Variants in CAMKMT observed in about 807,000 individuals in gnomAD.
CAMKMT encodes the protein CaM KMT.
Under a neutral mutation model 48.0 loss-of-function variants are expected in CAMKMT, and 53 were observed. The ratio of observed to expected loss-of-function variants is 1.10; its 90% CI spans 0.89 to 1.39. The LOEUF is 1.39. Among genes scored for constraint, CAMKMT ranks in the 40% most tolerant of loss-of-function variants. The probability of loss-of-function intolerance (pLI) is 0.00; values close to 1 mark genes in which losing one functional copy is unlikely to be tolerated. For missense variants in CAMKMT, 428 were observed against 402.7 expected (o/e 1.06, Z -0.54); for synonymous variants, 165 against 152.3 (o/e 1.08, Z -0.61).
chr2:44,553,828 G>A (rs970265237), intron 3 of CAMKMT, among the ~76,000 whole-genome samples: 3 of 152,106 alleles, frequency 2.0e-5, no homozygotes, highest in African/African-American at 4.8e-5. Context: ...AAAATAAAAA[G>A]AATAATTTAT....
intron 3 of CAMKMT, among the ~76,000 whole-genome samples, chr2:44,555,400 A>T (rs1667953310): frequency 6.6e-6 from 1 of 152,164 alleles, no homozygotes; most frequent in South Asian, 2.1e-4. Flanking sequence ...GGCTTGTTTG[A>T]CATATTGCTG....
chr2:44,503,826 A>G (rs1239217586), intron 3 of CAMKMT, among the ~76,000 whole-genome samples: 1 of 152,168 alleles, frequency 6.6e-6, no homozygotes, highest in African/African-American at 2.4e-5. Flanking sequence ...GAAATCTAAG[A>G]TCAAGGTGCC....
intron 9 of CAMKMT, among the ~76,000 whole-genome samples, chr2:44,754,411 G>C (rs1275436768): frequency 6.6e-6 from 1 of 152,130 alleles, no homozygotes; most frequent in Non-Finnish European, 1.5e-5. Context: ...CTTTTCCCTT[G>C]ATAACAATAT....
chr2:44,580,800 T>C (rs1572848001), intron 3 of CAMKMT, among the ~76,000 whole-genome samples: 1 of 152,330 alleles, frequency 6.6e-6, no homozygotes, highest in East Asian at 1.9e-4. Flanking sequence ...AAACTTTTTG[T>C]CATGAAGCGC....
chr2:44,740,343 T>G, intron 7 of CAMKMT, among the ~76,000 whole-genome samples: 1 of 151,990 alleles, frequency 6.6e-6, no homozygotes, highest in Non-Finnish European at 1.5e-5. Flanking sequence ...TTGCCCAGGC[T>G]AGTCTCGAGC....
intron 3 of CAMKMT, among the ~76,000 whole-genome samples, chr2:44,464,872 A>G (rs1668030053): frequency 6.6e-6 from 1 of 152,232 alleles, no homozygotes; most frequent in Non-Finnish European, 1.5e-5. Context: ...GCTAGACAGC[A>G]ACACAAAAAC....
At chr2:44,435,342 C>G (rs1666166365) in intron 3 of CAMKMT, among the ~76,000 whole-genome samples, 1 of 150,350 alleles carries the variant, frequency 6.7e-6, no homozygotes, top group Non-Finnish European at 1.5e-5. Context: ...GGCACGCATC[C>G]AAAAAAAAAT....
chr2:44,561,341 A>G (rs13033265), intron 3 of CAMKMT, among the ~76,000 whole-genome samples: 4 of 152,334 alleles, frequency 2.6e-5, no homozygotes, highest in East Asian at 1.9e-4. Flanking sequence ...GTGTACTTCC[A>G]CAAGACTACC....
intron 3 of CAMKMT, among the ~76,000 whole-genome samples, chr2:44,394,422 ACT>A (rs879826391): frequency 0.061 from 941 of 15,402 alleles, 6 homozygotes; most frequent in Non-Finnish European, 0.11. Flanking sequence ...GAATTCTAAG[ACT>A]GACCAGGATT....
chr2:44,451,858 G>GA (rs1667304401), intron 3 of CAMKMT, among the ~76,000 whole-genome samples: 2 of 151,148 alleles, frequency 1.3e-5, no homozygotes, highest in South Asian at 2.1e-4. Context: ...CAATTTTAGA[G>GA]AAAAAAAGCT....
rs556811965 is a variant in CAMKMT, at chr2:44,390,417, A to C, written c.376+112A>C. ...TTATACTCACTAAATGTATGCATAT[A>C]TGTATATATAATAGAAAGTTTGACT... On this transcript the variant is annotated intron_variant, in intron 3 of 10. Transcript: ENST00000378494. 6.4e-4 allele frequency: 429 copies of C among 666,272 alleles called. 4 individuals carry two copies. The East Asian group carries it at 0.014, about 21-fold the overall frequency. 41.3% of individuals were successfully genotyped at this position (666,272 alleles called of 1,614,324 possible). A position where few individuals can be genotyped will look rare whatever the true frequency, so the allele number is the denominator to read the frequency against.
intron 7 of CAMKMT, among the ~76,000 whole-genome samples, chr2:44,733,374 A>C (rs1176645922): frequency 6.6e-6 from 1 of 152,202 alleles, no homozygotes; most frequent in African/African-American, 2.4e-5. Flanking sequence ...TGATTCTTGT[A>C]CATTGATCTT....
At chr2:44,680,103 A>G (rs146557616) in intron 3 of CAMKMT, among the ~76,000 whole-genome samples, 98 of 152,238 alleles carry the variant, frequency 6.4e-4, no homozygotes, top group African/African-American at 2.2e-3. Flanking sequence ...TTTCTTTTTC[A>G]TGATACTGTG....
chr2:44,681,980 A>C (rs543033386), intron 3 of CAMKMT, among the ~76,000 whole-genome samples: 44 of 152,334 alleles, frequency 2.9e-4, no homozygotes, highest in Non-Finnish European at 1.5e-5. Context: ...TCAAATACAA[A>C]GCTAATCCTC....
chr2:44,430,690 A>G (rs950773124), intron 3 of CAMKMT, among the ~76,000 whole-genome samples: 11 of 152,268 alleles, frequency 7.2e-5, no homozygotes, highest in Admixed American at 2.6e-4. Flanking sequence ...ATGGCACAAA[A>G]TGCTGGATAA....
intron 3 of CAMKMT, among the ~76,000 whole-genome samples, chr2:44,531,789 A>T (rs1038406994): frequency 1.3e-5 from 2 of 152,186 alleles, no homozygotes; most frequent in Non-Finnish European, 2.9e-5. Context: ...CCTTGGTTAT[A>T]TACAGATTCC....
At chr2:44,397,531 A>G (rs979627109) in intron 3 of CAMKMT, among the ~76,000 whole-genome samples, 1 of 152,180 alleles carries the variant, frequency 6.6e-6, no homozygotes, top group Non-Finnish European at 1.5e-5. Flanking sequence ...TTCCCTAGCC[A>G]TGTGTCTCCA....
At chr2:44,763,951 A>G (rs1680725280) in intron 9 of CAMKMT, among the ~76,000 whole-genome samples, 1 of 152,180 alleles carries the variant, frequency 6.6e-6, no homozygotes, top group South Asian at 2.1e-4. Context: ...TTTAAATAAA[A>G]CAGCTTCCAT....
chr2:44,610,594 T>C (rs906769161), intron 3 of CAMKMT, among the ~76,000 whole-genome samples: 1 of 152,212 alleles, frequency 6.6e-6, no homozygotes, highest in African/African-American at 2.4e-5. Context: ...ACTGACAAGC[T>C]ACATTTGCAA....
Sources: allele counts gnomAD v4.1 joint callset (sites outside exome capture counted in the v4.1 genomes callset), GRCh38; gene constraint gnomAD v4.1.1; transcripts MANE v1.5; gene names NCBI Gene and HGNC (gene_info 2026-07-23, HGNC 2026-07-21).